Variants in THSD4 observed in about 807,000 individuals in gnomAD.
THSD4 encodes thrombospondin type-1 domain-containing protein 4.
In THSD4, 69 loss-of-function variants were observed where a neutral mutation model predicts 119.0. The ratio of observed to expected loss-of-function variants is 0.58; its 90% CI spans 0.48 to 0.71. The LOEUF (loss-of-function observed/expected upper bound fraction) is 0.71, where lower values mean the gene tolerates loss of function less well. Among genes scored for constraint, THSD4 ranks in the 30% least tolerant of loss-of-function variants. The pLI, the probability that THSD4 is intolerant of heterozygous loss-of-function variation, is 0.00. For synonymous variants in THSD4, 524 were observed against 540.4 expected (o/e 0.97, Z 0.42); for missense variants, 1,393 against 1,391.1 (o/e 1.00, Z -0.02).
chr15:71,159,451 G>C (rs1344699394), intron 3 of THSD4, among the ~76,000 whole-genome samples: 1 of 152,030 alleles, frequency 6.6e-6, no homozygotes, highest in African/African-American at 2.4e-5. Flanking sequence ...CTATGAACAT[G>C]GGTTATTATC....
intron 6 of THSD4, among the ~76,000 whole-genome samples, chr15:71,259,301 G>A (rs76818896): frequency 0.11 from 16,214 of 152,032 alleles, 1,158 homozygotes; most frequent in Middle Eastern, 0.23. Context: ...CAAAGTGGGC[G>A]TGGTCCTGCC....
chr15:71,431,748 A>T (rs951301213), intron 7 of THSD4, among the ~76,000 whole-genome samples: 1 of 152,204 alleles, frequency 6.6e-6, no homozygotes, highest in Non-Finnish European at 1.5e-5. Flanking sequence ...CTTGTATACC[A>T]TAGGGGAAAG....
intron 15 of THSD4, among the ~76,000 whole-genome samples, chr15:71,759,254 T>C (rs2053593086): frequency 6.6e-6 from 1 of 152,222 alleles, no homozygotes; most frequent in Non-Finnish European, 1.5e-5. Context: ...TTTTAAAATA[T>C]AGAGAATTCA....
chr15:71,395,914 G>GAGAGACACACAC (rs535919434), intron 6 of THSD4, among the ~76,000 whole-genome samples: 29 of 133,378 alleles, frequency 2.2e-4, no homozygotes, highest in African/African-American at 7.5e-4. Flanking sequence ...TTTGAAGAGA[G>GAGAGACACACAC]ACACACACAC....
intron 11 of THSD4, 83 bp downstream of exon 11, chr15:71,738,090 C>A (rs766769079): frequency 1.5e-5 from 23 of 1,531,752 alleles, no homozygotes; most frequent in Non-Finnish European, 2.0e-5. Context: ...CGGTCCCCGG[C>A]TTTTTTGGCA....
At chr15:71,337,800 A>G (rs1391477799) in intron 6 of THSD4, among the ~76,000 whole-genome samples, 1 of 152,044 alleles carries the variant, frequency 6.6e-6, no homozygotes, top group Non-Finnish European at 1.5e-5. Context: ...AGGCTTGAGT[A>G]AAGGTTAGGA....
At chr15:71,238,227 A>G (rs2044122925) in intron 4 of THSD4, among the ~76,000 whole-genome samples, 1 of 152,218 alleles carries the variant, frequency 6.6e-6, no homozygotes, top group Non-Finnish European at 1.5e-5. Context: ...TTTCAGATTT[A>G]AAAAATGCAT....
chr15:71,684,669 A>G (rs2051869990), intron 8 of THSD4, among the ~76,000 whole-genome samples: 1 of 151,822 alleles, frequency 6.6e-6, no homozygotes, highest in Non-Finnish European at 1.5e-5. Flanking sequence ...TGTTGAATTC[A>G]ATTTGCTAGG....
chr15:71,625,705 A>G (rs1311928921), intron 7 of THSD4, among the ~76,000 whole-genome samples: 1 of 152,232 alleles, frequency 6.6e-6, no homozygotes, highest in Non-Finnish European at 1.5e-5. Context: ...TGCAATAAGT[A>G]TTAATTAGCA....
At chr15:71,481,169 A>G (rs1216091230) in intron 7 of THSD4, among the ~76,000 whole-genome samples, 2 of 152,172 alleles carry the variant, frequency 1.3e-5, no homozygotes, top group South Asian at 2.1e-4. Context: ...AAAGTGAAAA[A>G]TTCTCACATT....
chr15:71,504,800 C>T (rs192544238), intron 7 of THSD4, among the ~76,000 whole-genome samples: 131 of 152,242 alleles, frequency 8.6e-4, no homozygotes, highest in Middle Eastern at 6.8e-3. Context: ...TGGTTTTCAG[C>T]AGTTTTTCCA....
intron 7 of THSD4, among the ~76,000 whole-genome samples, chr15:71,565,784 G>A (rs574531979): frequency 2.6e-4 from 39 of 152,270 alleles, no homozygotes; most frequent in African/African-American, 9.4e-4. Context: ...ATAAATTACA[G>A]AGGAATGGAA....
At chr15:71,158,484 A>G (rs1191019231) in intron 3 of THSD4, among the ~76,000 whole-genome samples, 1 of 152,094 alleles carries the variant, frequency 6.6e-6, no homozygotes, top group Non-Finnish European at 1.5e-5. Context: ...TTTTGATGAT[A>G]GCTGTTCTAA....
intron 4 of THSD4, among the ~76,000 whole-genome samples, chr15:71,233,312 G>A (rs1044318552): frequency 6.6e-6 from 1 of 152,170 alleles, no homozygotes; most frequent in African/African-American, 2.4e-5. Context: ...TGCTTACACA[G>A]CAGTATGAAA....
At chr15:71,687,306 A>C (rs371210494) in intron 8 of THSD4, among the ~76,000 whole-genome samples, 11 of 152,312 alleles carry the variant, frequency 7.2e-5, no homozygotes, top group African/African-American at 2.6e-4. Flanking sequence ...ATTATGCTAT[A>C]ATTTTTAGAA....
intron 8 of THSD4, among the ~76,000 whole-genome samples, chr15:71,676,400 G>C (rs987749662): frequency 2.0e-5 from 3 of 152,050 alleles, no homozygotes; most frequent in African/African-American, 7.2e-5. Flanking sequence ...TCCTGCCTCA[G>C]CCTCTTAAGT....
At chr15:71,158,508 G>A (rs1013937141) in intron 3 of THSD4, among the ~76,000 whole-genome samples, 1 of 152,192 alleles carries the variant, frequency 6.6e-6, no homozygotes, top group East Asian at 1.9e-4. Flanking sequence ...GAGGGAGGTG[G>A]TATCTCACTG....
chr15:71,566,090 C>T (rs770936874), intron 7 of THSD4, among the ~76,000 whole-genome samples: 11 of 152,062 alleles, frequency 7.2e-5, no homozygotes, highest in Non-Finnish European at 1.2e-4. Context: ...GATAAGGTTA[C>T]AGCTTAAAGA....
intron 7 of THSD4, among the ~76,000 whole-genome samples, chr15:71,564,287 C>T (rs1269400831): frequency 6.6e-6 from 1 of 152,164 alleles, no homozygotes; most frequent in African/African-American, 2.4e-5. Flanking sequence ...CAGAGAGGAC[C>T]ATAATCCAGT....
Sources: gnomAD v4.1 joint callset for allele counts (sites outside exome capture counted in the v4.1 genomes callset) on GRCh38, gnomAD v4.1.1 for gene constraint, MANE v1.5 for transcripts, NCBI Gene and HGNC (gene_info 2026-07-23, HGNC 2026-07-21) for gene names.